ZBTB16: variants seen among roughly 807,000 people sequenced by gnomAD.
ZBTB16 encodes the protein zinc finger and BTB domain containing 16.
Under a neutral mutation model 56.8 loss-of-function variants are expected in ZBTB16, and 8 were observed. That is an observed-to-expected ratio of 0.14 (90% CI 0.08 to 0.25). The LOEUF (loss-of-function observed/expected upper bound fraction) is 0.25, where lower values mean the gene tolerates loss of function less well. Ranked by LOEUF, ZBTB16 falls within the 10% of genes least tolerant of loss-of-function variation. The pLI, the probability that ZBTB16 is intolerant of heterozygous loss-of-function variation, is 1.00. For missense variants in ZBTB16, 625 were observed against 903.0 expected, an observed-to-expected ratio of 0.69 and a Z score of 3.95; for synonymous variants, 363 against 368.5, an observed-to-expected ratio of 0.98 and a Z score of 0.17.
intron 2 of ZBTB16, among the ~76,000 whole-genome samples, chr11:114,140,891 C>A (rs1345074949): frequency 4.6e-5 from 7 of 152,284 alleles, no homozygotes; most frequent in African/African-American, 1.2e-4. Flanking sequence ...AGAATTTGGG[C>A]CCTTTTCTCT....
At chr11:114,241,967 G>A (rs931258330) in intron 4 of ZBTB16, among the ~76,000 whole-genome samples, 200 bp from the exon 5 acceptor site, 4 of 152,180 alleles carry the variant, frequency 2.6e-5, no homozygotes, top group African/African-American at 9.7e-5. Flanking sequence ...TCCAGAGCTC[G>A]GGAACGACGT....
At chr11:114,070,130 C>G (rs1939279412) in intron 2 of ZBTB16, among the ~76,000 whole-genome samples, 2 of 128,502 alleles carry the variant, frequency 1.6e-5, no homozygotes, top group African/African-American at 6.0e-5. Context: ...GAGACGGAGT[C>G]TCGCTCTGTC....
chr11:114,242,969 A>G (rs595860), intron 5 of ZBTB16, among the ~76,000 whole-genome samples: 132,676 of 152,176 alleles, frequency 0.87, 58,003 homozygotes, highest in African/African-American at 0.92. Context: ...GAGGGGGTAC[A>G]AGGTAAGGAG....
intron 2 of ZBTB16, among the ~76,000 whole-genome samples, chr11:114,073,623 G>A (rs1939434081): frequency 6.6e-6 from 1 of 152,094 alleles, no homozygotes. Context: ...CTGTGTCCTC[G>A]GGACCTGATT....
At chr11:114,123,167 G>T (rs1013262354) in intron 2 of ZBTB16, among the ~76,000 whole-genome samples, 1 of 152,044 alleles carries the variant, frequency 6.6e-6, no homozygotes, top group African/African-American at 2.4e-5. Context: ...TTCCTTACGG[G>T]TTCTGTCTCC....
chr11:114,230,952 T>A (rs1009503124), intron 4 of ZBTB16, among the ~76,000 whole-genome samples: 5 of 152,104 alleles, frequency 3.3e-5, no homozygotes, highest in African/African-American at 1.2e-4. Context: ...TGGAATACAT[T>A]GGGGTTTACT....
intron 2 of ZBTB16, among the ~76,000 whole-genome samples, chr11:114,071,234 G>T (rs1198953692): frequency 7.2e-6 from 1 of 139,414 alleles, no homozygotes; most frequent in Non-Finnish European, 1.5e-5. Flanking sequence ...ATTTGATTCT[G>T]TGTGTTCTGA....
intron 3 of ZBTB16, among the ~76,000 whole-genome samples, chr11:114,171,280 A>G (rs1378497903): frequency 7.2e-5 from 11 of 152,228 alleles, no homozygotes; most frequent in Admixed American, 6.5e-4. Flanking sequence ...TAGGACTGTG[A>G]TGACAACCCT....
At chr11:114,209,778 A>G in intron 4 of ZBTB16, 3 of 985,446 alleles carry the variant, frequency 3.0e-6, no homozygotes, top group Non-Finnish European at 3.6e-6. Flanking sequence ...ACCACAGCCC[A>G]GGGATAAGCT....
At chr11:114,247,399 C>G in intron 6 of ZBTB16, 34 bp downstream of exon 6, 1 of 1,613,710 alleles carries the variant, frequency 6.2e-7, no homozygotes, top group Non-Finnish European at 8.5e-7. Flanking sequence ...TGAGCTGGCT[C>G]TGGGACCTGG....
At chr11:114,130,760 T>C (rs976839705) in intron 2 of ZBTB16, among the ~76,000 whole-genome samples, 6 of 152,248 alleles carry the variant, frequency 3.9e-5, no homozygotes, top group Admixed American at 3.3e-4. Flanking sequence ...GTTGAATTTC[T>C]TTATGAGGCT....
chr11:114,062,338 G>A (rs1313425832), intron 1 of ZBTB16, among the ~76,000 whole-genome samples: 1 of 151,698 alleles, frequency 6.6e-6, no homozygotes, highest in Non-Finnish European at 1.5e-5. Context: ...CCCGACCTCA[G>A]GTGATCCGCC....
chr11:114,069,437 A>G (rs970030806), intron 2 of ZBTB16, among the ~76,000 whole-genome samples: 8 of 152,222 alleles, frequency 5.3e-5, no homozygotes, highest in Non-Finnish European at 8.8e-5. Flanking sequence ...TGTCTGAGCC[A>G]GCTTTCTGGA....
chr11:114,210,684 TCC>T (rs1491482705), intron 4 of ZBTB16: 47 of 61,190 alleles, frequency 7.7e-4, no homozygotes, highest in African/African-American at 4.5e-3. Flanking sequence ...TTGGTAAACT[TCC>T]CAGAGCAAGA....
chr11:114,233,151 C>T (rs1396670797), intron 4 of ZBTB16, among the ~76,000 whole-genome samples: 1 of 147,560 alleles, frequency 6.8e-6, no homozygotes, highest in Non-Finnish European at 1.5e-5. Context: ...ACTCCCTTTC[C>T]TTCTTCCTCT....
At position 114,140,723 on chromosome 11, in the gene ZBTB16, G is replaced by A. The variant is rs1181556787; in HGVS notation, c.1269-15614G>A. Reference sequence around the variant, plus strand: ...GTCACTCAGGCACCTGTGCTCGGGAGTAGATGGAGATAGGAGGTTTGTTCC... The same window carrying A: ...GTCACTCAGGCACCTGTGCTCGGGAATAGATGGAGATAGGAGGTTTGTTCC... On this transcript the variant is annotated intron_variant, in intron 2 of 6. Transcript: ENST00000335953. Among the ~76,000 whole-genome samples, 4 of 152,330 alleles carry A rather than the reference G, an allele frequency of 2.6e-5. No individual in the cohort carries two copies. In the South Asian group the frequency reaches 8.3e-4, roughly 32 times the overall value.
At chr11:114,120,211 C>T (rs1941302515) in intron 2 of ZBTB16, among the ~76,000 whole-genome samples, 1 of 152,106 alleles carries the variant, frequency 6.6e-6, no homozygotes, top group African/African-American at 2.4e-5. Context: ...CCATACCTTC[C>T]CAGGAGCCAC....
intron 2 of ZBTB16, among the ~76,000 whole-genome samples, chr11:114,081,266 C>T (rs11214863): frequency 0.32 from 48,439 of 151,996 alleles, 9,042 homozygotes; most frequent in African/African-American, 0.5. Context: ...AACCTCTCTG[C>T]TGCTGAGCCT....
chr11:114,202,368 G>T (rs958518860), intron 4 of ZBTB16, among the ~76,000 whole-genome samples: 1 of 152,138 alleles, frequency 6.6e-6, no homozygotes, highest in Non-Finnish European at 1.5e-5. Flanking sequence ...CGGGGTGTTT[G>T]CTCCCTGTTC....
Sources: allele counts gnomAD v4.1 joint callset (sites outside exome capture counted in the v4.1 genomes callset), GRCh38; gene constraint gnomAD v4.1.1; transcripts MANE v1.5; gene names NCBI Gene and HGNC (gene_info 2026-07-23, HGNC 2026-07-21).